The following PSEN1 variants were observed in gnomAD, a reference collection of about 807,000 sequenced individuals.
The protein encoded by PSEN1 is presenilin 1.
PSEN1 carries 15 observed loss-of-function variants against 53.5 expected under a neutral mutation model. The ratio of observed to expected loss-of-function variants is 0.28; its 90% CI spans 0.19 to 0.43. PSEN1 has a LOEUF of 0.43. Ranked by LOEUF, PSEN1 falls within the 20% of genes least tolerant of loss-of-function variation. The pLI is 1.00. For missense variants in PSEN1, 387 were observed against 571.2 expected (o/e 0.68, Z 3.29); for synonymous variants, 208 against 209.8 (o/e 0.99, Z 0.08).
At chr14:73,140,188 C>CT (rs961250628) in intron 1 of PSEN1, among the ~76,000 whole-genome samples, 3 of 90,296 alleles carry the variant, frequency 3.3e-5, no homozygotes, top group South Asian at 3.8e-4. Flanking sequence ...AAAGGTTTTT[C>CT]TTTTTTTGCT....
rs1181237948 is a variant in PSEN1 at position 73,212,061 on chromosome 14, T to C, written c.1129+119T>C. On this transcript the variant is annotated intron_variant, in intron 10 of 11. Coordinates refer to ENST00000324501, the MANE Select transcript of PSEN1 (RefSeq NM_000021.4). ...AGTCTAATTCTATATCACATGTAAC[T>C]TTTATTTGGATATATCAGTAATAGT... The C allele has an allele frequency of 5.2e-6, 3 of 579,456 alleles. No homozygotes were observed. The African/African-American group carries it at 5.8e-5, about 11-fold the overall frequency. 35.9% of individuals were successfully genotyped at this position (579,456 alleles called of 1,614,324 possible).
intron 10 of PSEN1, among the ~76,000 whole-genome samples, chr14:73,213,920 G>T (rs780743099): frequency 4.6e-5 from 7 of 152,150 alleles, no homozygotes; most frequent in Admixed American, 4.6e-4. Flanking sequence ...TAGTGATTTT[G>T]GAAAACAGTT....
rs775543665 is a variant in PSEN1 at position 73,170,827 on chromosome 14, G to C, written c.118G>C (p.Asp40His). 7 of 1,613,300 alleles carry C rather than the reference G, an allele frequency of 4.3e-6. No homozygotes were observed. The highest frequency in any genetic ancestry group is 5.9e-6 in the Non-Finnish European group (7 of 1,179,332). Residue 40 changes from aspartate to histidine, a missense_variant, in exon 4 of 12, where the codon GAC (aspartate) becomes CAC (histidine). Physicochemically the swap from Asp to His is moderately conservative, Grantham distance 81. Around this residue, in one of 4 missense-constraint regions of PSEN1, gnomAD observed 99 missense variants for 101.5 expected, o/e 0.98. Transcript: ENST00000324501. ...NDNRERQEHN[D>H]RRSLGHPEPL... ...CAATAGAGAACGGCAGGAGCACAAC[G>C]ACAGACGGAGCCTTGGCCACCCTGA...
intron 5 of PSEN1, among the ~76,000 whole-genome samples, chr14:73,178,140 G>A (rs1898098632): frequency 6.7e-6 from 1 of 149,880 alleles, no homozygotes; most frequent in African/African-American, 2.5e-5. Flanking sequence ...GGCTGGTCTT[G>A]AACTCCTGGC....
chr14:73,171,404 C>T (rs1195476456), intron 4 of PSEN1, among the ~76,000 whole-genome samples: 2 of 152,140 alleles, frequency 1.3e-5, no homozygotes, highest in Non-Finnish European at 2.9e-5. Flanking sequence ...TGTCATCCCC[C>T]TCCTCTTGGT....
At chr14:73,168,820 G>C (rs1284494599) in intron 3 of PSEN1, 1 of 152,378 alleles carries the variant, frequency 6.6e-6, no homozygotes, top group Non-Finnish European at 1.5e-5. Flanking sequence ...TGAGCTGGCT[G>C]GCACCTGGCC....
Position 73,220,616 on chromosome 14 carries a change from G to A in PSEN1, c.*1327G>A, listed in dbSNP as rs1900099427. ...GGGGAAAGAGAAGGGGCCTCCAGCA[G>A]CGAAGGGGATACAGTGAGCTAATGA... On this transcript the variant is annotated 3_prime_UTR_variant, in exon 12 of 12. Transcript: ENST00000324501. 4 of 152,358 alleles carry A rather than the reference G, an allele frequency of 2.6e-5. No individual in the cohort carries two copies. Among genetic ancestry groups the A allele is most frequent in the South Asian group, 4.1e-4 (2 of 4,826 alleles). The allele number at this position is 152,358 out of a possible 1,614,324, so 9.4% of individuals were successfully genotyped here.
Position 73,211,803 on chromosome 14 carries a change from G to T in PSEN1, c.990G>T (p.Glu330Asp). 1 of 1,614,154 alleles carries T rather than the reference G, an allele frequency of 6.2e-7. No homozygotes were observed. The highest frequency in any genetic ancestry group is 8.5e-7 in the Non-Finnish European group (1 of 1,180,024). Residue 330 changes from glutamate to aspartate, a missense_variant, in exon 10 of 12, where the codon GAG becomes GAT. By Grantham distance (45) the Glu-to-Asp change is conservative (BLOSUM62 2). Around this residue, in one of 4 missense-constraint regions of PSEN1, gnomAD observed 75 missense variants for 63.7 expected, o/e 1.18. Transcript: ENST00000324501. ...GGGAGTCACAAGACACTGTTGCAGA[G>T]AATGATGATGGCGGGTTCAGTGAGG... ...TERESQDTVA[E>D]NDDGGFSEEW...
At chr14:73,169,386 CTGAGATTTCATCCATTTCTGAGGCT>C (rs1275610056) in intron 3 of PSEN1, 1 of 152,174 alleles carries the variant, frequency 6.6e-6, no homozygotes, top group Non-Finnish European at 1.5e-5. Flanking sequence ...TTTCTGAGGC[CTGAGATTTCATCCATTTCTGAGGCT>C]ATAGAGACCA....
chr14:73,151,285 A>G (rs940139643), intron 3 of PSEN1, among the ~76,000 whole-genome samples: 5 of 152,216 alleles, frequency 3.3e-5, no homozygotes, highest in Non-Finnish European at 5.9e-5. Context: ...GTTTTTCACA[A>G]TAACTGACAG....
At chr14:73,167,222 C>A (rs144396262) in intron 3 of PSEN1, among the ~76,000 whole-genome samples, 6 of 152,174 alleles carry the variant, frequency 3.9e-5, no homozygotes, top group Non-Finnish European at 8.8e-5. Flanking sequence ...AAAGTCACTC[C>A]CATGATAACT....
At chr14:73,155,703 G>T (rs760833733) in intron 3 of PSEN1, among the ~76,000 whole-genome samples, 7 of 151,800 alleles carry the variant, frequency 4.6e-5, no homozygotes, top group Non-Finnish European at 1.0e-4. Context: ...TTTTTTTGTA[G>T]AGCTGGGGTC....
At chr14:73,164,979 C>G (rs959431135) in intron 3 of PSEN1, among the ~76,000 whole-genome samples, 2 of 151,668 alleles carry the variant, frequency 1.3e-5, no homozygotes, top group African/African-American at 4.8e-5. Flanking sequence ...TTTTTTGAGA[C>G]GGAGTCTCAT....
intron 10 of PSEN1, among the ~76,000 whole-genome samples, chr14:73,214,285 C>G (rs186766221): frequency 2.6e-5 from 4 of 152,320 alleles, no homozygotes; most frequent in Non-Finnish European, 2.9e-5. Context: ...AATCCCAGCA[C>G]TTTGGAAGGC....
intron 7 of PSEN1, among the ~76,000 whole-genome samples, chr14:73,193,764 C>A (rs1898823666): frequency 6.6e-6 from 1 of 152,016 alleles, no homozygotes; most frequent in East Asian, 1.9e-4. Flanking sequence ...TCATGCGATC[C>A]TCCCACTTCA....
chr14:73,223,461 G>A lies in PSEN1; in HGVS notation c.*4172G>A, dbSNP rs956433794. The A allele has an allele frequency of 5.3e-5, 8 of 152,260 alleles. No homozygotes were observed. The highest frequency in any genetic ancestry group is 1.9e-4 in the African/African-American group (8 of 41,460). 9.4% of individuals were successfully genotyped at this position (152,260 alleles called of 1,614,324 possible). A position where few individuals can be genotyped will look rare whatever the true frequency, so the allele number is the denominator to read the frequency against. ...TGCATATAGTAGCAAGTACAGGACT[G>A]TCTTGTTTTTGGTGTCCTTGGAGGT... On this transcript the variant is annotated 3_prime_UTR_variant, in exon 12 of 12. Transcript: ENST00000324501.
intron 5 of PSEN1, chr14:73,174,342 T>C: frequency 6.5e-6 from 1 of 153,392 alleles, no homozygotes; most frequent in Non-Finnish European, 1.5e-5. Context: ...CAAGCGATTC[T>C]CCTGCCTCTG....
Position 73,206,276 on chromosome 14 carries a change from A to G in PSEN1, c.869-110A>G, listed in dbSNP as rs551270493. On this transcript the variant is annotated intron_variant, in intron 8 of 11. Transcript: ENST00000324501. Reference sequence around the variant, plus strand: ...TTACTTCTGATTGTTGAACAGTCTTAAGGCAGCATTAGGAAGACTGGCGAT... The same window carrying G: ...TTACTTCTGATTGTTGAACAGTCTTGAGGCAGCATTAGGAAGACTGGCGAT... 282 of 787,112 alleles carry G rather than the reference A, an allele frequency of 3.6e-4. 4 individuals carry two copies. The South Asian group carries it at 3.9e-3, about 11-fold the overall frequency. The allele number at this position is 787,112 out of a possible 1,614,324, so 48.8% of individuals were successfully genotyped here.
At chr14:73,184,736 C>T (rs1308352720) in intron 5 of PSEN1, among the ~76,000 whole-genome samples, 3 of 149,286 alleles carry the variant, frequency 2.0e-5, no homozygotes, top group Non-Finnish European at 4.5e-5. Context: ...GCTGGCCTGG[C>T]GGGGGGCTGA....
Sources: allele counts gnomAD v4.1 joint callset (sites outside exome capture counted in the v4.1 genomes callset), GRCh38; gene constraint gnomAD v4.1.1; regional missense constraint gnomAD v4.1.1; transcripts MANE v1.5; gene names NCBI Gene and HGNC (gene_info 2026-07-23, HGNC 2026-07-21).